Variants in PLCH1 observed in about 807,000 individuals in gnomAD.
PLCH1 encodes phospholipase C eta 1.
A neutral mutation model predicts 126.7 loss-of-function variants in PLCH1; 60 were observed. That is an observed-to-expected ratio of 0.47 (90% CI 0.38 to 0.59). The LOEUF (loss-of-function observed/expected upper bound fraction) is 0.59, where lower values mean the gene tolerates loss of function less well. PLCH1 is among the 20% of genes least tolerant of loss of function. The probability of loss-of-function intolerance (pLI) is 0.00; values close to 1 mark genes in which losing one functional copy is unlikely to be tolerated. For synonymous variants in PLCH1, 719 were observed against 734.9 expected (o/e 0.98, Z 0.35); for missense variants, 1,723 against 2,040.0 (o/e 0.84, Z 2.99).
chr3:155,575,354 G>T (rs1217255712), intron 6 of PLCH1, among the ~76,000 whole-genome samples: 1 of 152,132 alleles, frequency 6.6e-6, no homozygotes, highest in Non-Finnish European at 1.5e-5. Flanking sequence ...TCAATGAAGG[G>T]TAAGGAAGGG....
At chr3:155,643,781 C>G (rs1469843001) in intron 2 of PLCH1, among the ~76,000 whole-genome samples, 1 of 152,218 alleles carries the variant, frequency 6.6e-6, no homozygotes, top group Non-Finnish European at 1.5e-5. Context: ...GTACCTGGCA[C>G]ATGTTCAGTA....
intron 8 of PLCH1, among the ~76,000 whole-genome samples, chr3:155,559,682 C>T (rs4615120): frequency 1 from 152,068 of 152,360 alleles, 75,888 homozygotes; most frequent in Middle Eastern, 1. Flanking sequence ...ACATATCCTT[C>T]AAAATTATAC....
At chr3:155,512,818 T>C (rs185561836) in intron 12 of PLCH1, among the ~76,000 whole-genome samples, 218 of 152,304 alleles carry the variant, frequency 1.4e-3, no homozygotes, top group Non-Finnish European at 2.4e-3. Context: ...GAGAGTGACA[T>C]GACCAGATGC....
intron 2 of PLCH1, among the ~76,000 whole-genome samples, chr3:155,623,160 G>A (rs762653555): frequency 5.3e-5 from 8 of 151,496 alleles, no homozygotes; most frequent in Non-Finnish European, 7.4e-5. Flanking sequence ...TGACTACTGG[G>A]TAAATAACAA....
chr3:155,519,587 C>T (rs536435650), intron 11 of PLCH1, among the ~76,000 whole-genome samples: 1 of 151,994 alleles, frequency 6.6e-6, no homozygotes, highest in East Asian at 1.9e-4. Flanking sequence ...TGGGCTCTAC[C>T]TGCACTACAC....
chr3:155,470,990 C>T (rs1486516295), intron 21 of PLCH1, among the ~76,000 whole-genome samples: 3 of 151,710 alleles, frequency 2.0e-5, no homozygotes, highest in African/African-American at 7.3e-5. Flanking sequence ...ATGTAAAGAC[C>T]ATCGAGACTA....
intron 9 of PLCH1, among the ~76,000 whole-genome samples, chr3:155,552,834 A>T (rs1254650328): frequency 6.6e-6 from 1 of 152,224 alleles, no homozygotes; most frequent in East Asian, 1.9e-4. Flanking sequence ...GGAAATAAAA[A>T]TGAACAGGAG....
chr3:155,524,868 T>A (rs773702817), intron 10 of PLCH1, among the ~76,000 whole-genome samples: 1 of 151,912 alleles, frequency 6.6e-6, no homozygotes, highest in South Asian at 2.1e-4. Flanking sequence ...AATAAAAAAA[T>A]TTGCTAGGCA....
intron 1 of PLCH1, among the ~76,000 whole-genome samples, chr3:155,716,198 T>C (rs993996011): frequency 5.9e-5 from 9 of 152,262 alleles, no homozygotes; most frequent in Non-Finnish European, 8.8e-5. Flanking sequence ...TCCACTGTGG[T>C]CAGAGATTTA....
At chr3:155,500,558 A>C (rs1429660687) in intron 14 of PLCH1, 145 bp downstream of exon 14, 11 of 600,074 alleles carry the variant, frequency 1.8e-5, no homozygotes, top group Non-Finnish European at 2.7e-5. Context: ...ATCATTTCAT[A>C]TCCAGCTGTT....
At chr3:155,657,750 A>G (rs925983802) in intron 2 of PLCH1, 1 of 152,212 alleles carries the variant, frequency 6.6e-6, no homozygotes, top group African/African-American at 2.4e-5. Flanking sequence ...TTGCTTTCTT[A>G]TCTTGCAAGA....
intron 2 of PLCH1, among the ~76,000 whole-genome samples, chr3:155,619,785 T>C (rs1311118565): frequency 1.3e-5 from 2 of 152,102 alleles, no homozygotes; most frequent in Non-Finnish European, 2.9e-5. Context: ...CCACAGACAG[T>C]TGGAAATCAA....
chr3:155,651,732 C>T (rs956437321), intron 2 of PLCH1, among the ~76,000 whole-genome samples: 2 of 152,190 alleles, frequency 1.3e-5, no homozygotes, highest in African/African-American at 2.4e-5. Flanking sequence ...CTTACCACCA[C>T]CTGATCTCTC....
At chr3:155,688,907 G>A (rs991024263) in intron 2 of PLCH1, among the ~76,000 whole-genome samples, 30 of 152,204 alleles carry the variant, frequency 2.0e-4, no homozygotes, top group African/African-American at 6.8e-4. Flanking sequence ...AATTGCTAAA[G>A]TTTTTTACTT....
intron 21 of PLCH1, among the ~76,000 whole-genome samples, chr3:155,472,917 T>C (rs1249761084): frequency 2.7e-5 from 4 of 150,562 alleles, no homozygotes; most frequent in Non-Finnish European, 5.9e-5. Context: ...TAGGTATTGA[T>C]GGGACGTATT....
intron 2 of PLCH1, among the ~76,000 whole-genome samples, chr3:155,693,471 C>CAAAA (rs1227159940): frequency 0.024 from 210 of 8,678 alleles, no homozygotes; most frequent in Middle Eastern, 0.12. Context: ...GACTCCGTCT[C>CAAAA]AAAAAAAAAA....
rs759870455 is a variant in PLCH1 at position 155,482,007 on chromosome 3, G to T, written c.4019C>A (p.Pro1340His). The change falls in exon 23 of 23, where the codon CCC becomes CAC. Residue 1340 changes from proline to histidine, a missense_variant. Pro to His is a moderately conservative substitution (Grantham distance 77). Coordinates refer to ENST00000460012, the MANE Select transcript of PLCH1 (RefSeq NM_014996.4). ...DLTLEDVIAD[P>H]TLCFNSGESS... ...CTCCCCAGAATTGAAACAGAGAGTG[G>T]GATCAGCTATTACATCCTCCAGGGT... 10 of 1,614,090 alleles carry T rather than the reference G, an allele frequency of 6.2e-6. No homozygotes were observed. Among genetic ancestry groups the T allele is most frequent in the South Asian group, 1.1e-5 (1 of 91,084 alleles).
At chr3:155,675,360 C>T (rs767042938) in intron 2 of PLCH1, among the ~76,000 whole-genome samples, 1 of 152,152 alleles carries the variant, frequency 6.6e-6, no homozygotes, top group Non-Finnish European at 1.5e-5. Flanking sequence ...AGAACAATCT[C>T]CATAGATTTT....
chr3:155,492,672 A>C, intron 18 of PLCH1, 57 bp downstream of exon 18: 1 of 1,439,574 alleles, frequency 6.9e-7, no homozygotes, highest in Non-Finnish European at 9.2e-7. Flanking sequence ...TAAAATGTAA[A>C]TGCACTAAGA....
Sources: gnomAD v4.1 joint callset for allele counts (sites outside exome capture counted in the v4.1 genomes callset) on GRCh38, gnomAD v4.1.1 for gene constraint, MANE v1.5 for transcripts, NCBI Gene and HGNC (gene_info 2026-07-23, HGNC 2026-07-21) for gene names.